Variants in MAPK4 observed in about 807,000 individuals in gnomAD.
MAPK4 encodes mitogen-activated protein kinase 4, also known as Erk3-related.
MAPK4 carries 22 observed loss-of-function variants against 47.7 expected under a neutral mutation model. The observed-to-expected ratio is 0.46, with a 90% CI of 0.33 to 0.66. The LOEUF is 0.66. Among genes scored for constraint, MAPK4 ranks in the 30% least tolerant of loss-of-function variants. The pLI is 0.02. For missense variants in MAPK4, 736 were observed against 831.7 expected, an observed-to-expected ratio of 0.88 and a Z score of 1.42; for synonymous variants, 390 against 365.7, an observed-to-expected ratio of 1.07 and a Z score of -0.76.
rs537482542 is a variant in MAPK4, at chr18:50,651,711, G to A, written c.-870-11378G>A. 6.6e-5 allele frequency among the ~76,000 whole-genome samples: 10 copies of A among 152,330 alleles called. No homozygotes were observed. In the South Asian group the frequency reaches 2.1e-3, roughly 32 times the overall value. On this transcript the variant is annotated intron_variant, in intron 1 of 5. Transcript: ENST00000400384. ...TCACCATAATGGACTTGGTTAGCCAGTTGGCAATTCATTGTAGATTCATTC... is the reference window on the plus strand; with the variant it reads ...TCACCATAATGGACTTGGTTAGCCAATTGGCAATTCATTGTAGATTCATTC...
At chr18:50,705,919 AGT>A (rs1191880451) in intron 2 of MAPK4, 1 of 152,100 alleles carries the variant, frequency 6.6e-6, no homozygotes, top group African/African-American at 2.4e-5. Flanking sequence ...TTCCATCCAA[AGT>A]GTGCACCTCA....
intron 1 of MAPK4, among the ~76,000 whole-genome samples, chr18:50,642,656 G>A (rs1273940162): frequency 1.3e-5 from 2 of 152,202 alleles, no homozygotes; most frequent in Admixed American, 1.3e-4. Flanking sequence ...TTTGAACACT[G>A]CATGTGGAAC....
At chr18:50,665,850 G>T (rs1225548669) in intron 2 of MAPK4, among the ~76,000 whole-genome samples, 6 of 152,140 alleles carry the variant, frequency 3.9e-5, no homozygotes, top group Non-Finnish European at 7.4e-5. Flanking sequence ...AACTCTGTAG[G>T]AAGGAATGTC....
rs778618080 is a variant in MAPK4, at chr18:50,726,223, T to A, written c.1067+48T>A. 8 of 1,580,090 alleles carry A rather than the reference T, an allele frequency of 5.1e-6. No individual in the cohort carries two copies. The East Asian group carries it at 1.8e-4, about 35-fold the overall frequency. On this transcript the variant is annotated intron_variant, in intron 5 of 5. Transcript: ENST00000400384. ...GAGCCCACATTTCCCTGTCCTCCCA[T>A]CTCTATTTTGCCTCTAATCCTCCGT...
intron 2 of MAPK4, among the ~76,000 whole-genome samples, chr18:50,688,994 C>T (rs373720691): frequency 6.6e-6 from 1 of 152,112 alleles, no homozygotes; most frequent in Non-Finnish European, 1.5e-5. Context: ...TGCGGTGGCT[C>T]ACGCCTGTAA....
At chr18:50,710,697 G>A (rs1258192007) in intron 2 of MAPK4, among the ~76,000 whole-genome samples, 3 of 149,134 alleles carry the variant, frequency 2.0e-5, no homozygotes, top group South Asian at 2.1e-4. Flanking sequence ...GGAGAATGGC[G>A]TGAACCCGGG....
At chr18:50,665,460 C>T (rs1156237739) in intron 2 of MAPK4, among the ~76,000 whole-genome samples, 1 of 152,266 alleles carries the variant, frequency 6.6e-6, no homozygotes, top group Non-Finnish European at 1.5e-5. Flanking sequence ...AATAAAACAT[C>T]TCCTTGGGAT....
intron 2 of MAPK4, among the ~76,000 whole-genome samples, chr18:50,685,931 G>A (rs538041179): frequency 6.6e-6 from 1 of 152,094 alleles, no homozygotes; most frequent in East Asian, 1.9e-4. Flanking sequence ...GCAGAAAAGA[G>A]CAAAATATCA....
Position 50,729,940 on chromosome 18 carries a change from C to A in MAPK4, c.*86C>A. 7.3e-7 allele frequency: 1 copy of A among 1,362,512 alleles called. No individual in the cohort carries two copies. The allele number at this position is 1,362,512 out of a possible 1,614,324, so 84.4% of individuals were successfully genotyped here. A position where few individuals can be genotyped will look rare whatever the true frequency, so the allele number is the denominator to read the frequency against. ...GCAGGAGGCGGCCGCCCTTCCCGCC[C>A]CTCTCTGCTGCCTTGGGGTTGGCAG... On this transcript the variant is annotated 3_prime_UTR_variant, in exon 6 of 6. Transcript: ENST00000400384.
intron 2 of MAPK4, among the ~76,000 whole-genome samples, chr18:50,701,449 G>A (rs964360657): frequency 6.6e-6 from 1 of 152,184 alleles, no homozygotes; most frequent in Non-Finnish European, 1.5e-5. Context: ...TGCTTGGCTG[G>A]GCATTTGGGG....
At chr18:50,613,997 A>G (rs908569914) in intron 1 of MAPK4, among the ~76,000 whole-genome samples, 30 of 152,212 alleles carry the variant, frequency 2.0e-4, no homozygotes, top group Admixed American at 1.3e-3. Flanking sequence ...CTATTCAACT[A>G]TATTGACAAT....
chr18:50,575,227 G>A (rs1347896974), intron 1 of MAPK4, among the ~76,000 whole-genome samples: 1 of 152,160 alleles, frequency 6.6e-6, no homozygotes, highest in Non-Finnish European at 1.5e-5. Context: ...GAGGATGCAG[G>A]GTTCAAGGTG....
intron 2 of MAPK4, among the ~76,000 whole-genome samples, chr18:50,707,999 T>A (rs758272627): frequency 1.3e-5 from 2 of 152,234 alleles, no homozygotes; most frequent in Non-Finnish European, 2.9e-5. Context: ...AAACGATTTC[T>A]TCACCCATGT....
chr18:50,671,842 A>G (rs1248197362), intron 2 of MAPK4, among the ~76,000 whole-genome samples: 2 of 150,050 alleles, frequency 1.3e-5, no homozygotes. Context: ...GTGAGCTATG[A>G]TTATACCATC....
At chr18:50,668,436 CCTTCT>C (rs1907733284) in intron 2 of MAPK4, among the ~76,000 whole-genome samples, 1 of 152,210 alleles carries the variant, frequency 6.6e-6, no homozygotes, top group Admixed American at 6.5e-5. Context: ...AAGGAAATGG[CCTTCT>C]CTTCTCTAGT....
At chr18:50,625,281 C>G (rs1370152027) in intron 1 of MAPK4, among the ~76,000 whole-genome samples, 1 of 152,178 alleles carries the variant, frequency 6.6e-6, no homozygotes, top group Non-Finnish European at 1.5e-5. Flanking sequence ...CCCCAGGAGA[C>G]CGAGCCTTGG....
At position 50,610,188 on chromosome 18, in the gene MAPK4, T is replaced by C. The variant is rs867186289; in HGVS notation, c.-871+49945T>C. Among the ~76,000 whole-genome samples the C allele has an allele frequency of 1.1e-4, 17 of 152,174 alleles. No homozygotes were observed. In the South Asian group the frequency reaches 3.3e-3, roughly 30 times the overall value. On this transcript the variant is annotated intron_variant, in intron 1 of 5. Transcript: ENST00000400384. ...ATGGGAGGCCTACCCTGAGGTAACA[T>C]AGAGATATAACCACAGGAAGCAGCC... is the stretch of plus-strand genomic sequence containing the variant.
rs149861108 is a variant in MAPK4, at chr18:50,660,000, C to T, written c.-870-3089C>T. 4.8e-3 allele frequency among the ~76,000 whole-genome samples: 726 copies of T among 152,320 alleles called. 8 individuals carry two copies. Among genetic ancestry groups the T allele is most frequent in the African/African-American group, 0.016 (676 of 41,568 alleles). Reference sequence around the variant, plus strand: ...ACATCCAGATGCCAGTCTGCTCCTCCCCAGGGCCAGTGGGCCCACACCTCT... The same window carrying T: ...ACATCCAGATGCCAGTCTGCTCCTCTCCAGGGCCAGTGGGCCCACACCTCT... On this transcript the variant is annotated intron_variant, in intron 1 of 5. Coordinates refer to ENST00000400384, the MANE Select transcript of MAPK4 (RefSeq NM_002747.4).
intron 1 of MAPK4, among the ~76,000 whole-genome samples, chr18:50,647,019 C>A (rs1340530283): frequency 2.6e-5 from 4 of 152,220 alleles, no homozygotes. Context: ...ATTTGCATCA[C>A]ATCTGCCCCT....
Sources: gnomAD v4.1 joint callset for allele counts (sites outside exome capture counted in the v4.1 genomes callset) on GRCh38, gnomAD v4.1.1 for gene constraint, MANE v1.5 for transcripts, NCBI Gene and HGNC (gene_info 2026-07-23, HGNC 2026-07-21) for gene names.